The following ANKRD62 variants were observed in gnomAD, a reference collection of about 807,000 sequenced individuals.
The protein encoded by ANKRD62 is ankyrin repeat domain 62, also known as ankyrin repeat domain-containing protein 62.
In ANKRD62, 61 loss-of-function variants were observed where a neutral mutation model predicts 98.8. The ratio of observed to expected loss-of-function variants is 0.62; its 90% CI spans 0.50 to 0.76. The LOEUF is 0.76. Ranked by LOEUF, ANKRD62 falls within the 30% of genes least tolerant of loss-of-function variation. The pLI is 0.00. For synonymous variants in ANKRD62, 341 were observed against 367.9 expected, an observed-to-expected ratio of 0.93 and a Z score of 0.84; for missense variants, 933 against 1,082.9, an observed-to-expected ratio of 0.86 and a Z score of 1.94.
chr18:12,102,281 G>A, intron 6 of ANKRD62: 1 of 746,814 alleles, frequency 1.3e-6, no homozygotes, highest in South Asian at 1.4e-5. Flanking sequence ...TAGTCCAGTG[G>A]AGAGACGCAA....
intron 8 of ANKRD62, among the ~76,000 whole-genome samples, chr18:12,112,112 A>G (rs928655979): frequency 0.29 from 33,442 of 113,826 alleles, 4,569 homozygotes; most frequent in Middle Eastern, 0.38. Flanking sequence ...ACTCCAACTC[A>G]AAAAAAAAAA....
Position 12,128,602 on chromosome 18 carries a change from G to A in ANKRD62, c.*663G>A, listed in dbSNP as rs1909941878. 6.6e-6 allele frequency: 1 copy of A among 152,222 alleles called. No individual in the cohort carries two copies. The highest frequency in any genetic ancestry group is 1.5e-5 in the Non-Finnish European group (1 of 68,036). 9.4% of individuals were successfully genotyped at this position (152,222 alleles called of 1,614,324 possible). On this transcript the variant is annotated 3_prime_UTR_variant, in exon 14 of 14. Coordinates refer to ENST00000587848, the MANE Select transcript of ANKRD62 (RefSeq NM_001277333.2). ...TGGCTTCTCCTTTGGCATGTCAATG[G>A]ACATCCCTGCATTTTAAGATGACAC...
At chr18:12,102,018 T>C in intron 6 of ANKRD62, 1 of 1,357,594 alleles carries the variant, frequency 7.4e-7, no homozygotes, top group Admixed American at 1.7e-5. Flanking sequence ...TGGCAACAGC[T>C]TTGCAGATGC....
chr18:12,098,248 T>C (rs1909224705), intron 5 of ANKRD62, among the ~76,000 whole-genome samples: 1 of 152,176 alleles, frequency 6.6e-6, no homozygotes, highest in Non-Finnish European at 1.5e-5. Context: ...CTGTTTTCCA[T>C]AATAATAAAA....
At chr18:12,113,112 C>T (rs951097133) in intron 8 of ANKRD62, among the ~76,000 whole-genome samples, 1 of 151,708 alleles carries the variant, frequency 6.6e-6, no homozygotes, top group Non-Finnish European at 1.5e-5. Context: ...TCAGGCTGGT[C>T]TCGAACTCCT....
chr18:12,169,253 A>T, the ANKRD62 span, among the ~76,000 whole-genome samples: 1 of 152,166 alleles, frequency 6.6e-6, no homozygotes, highest in Non-Finnish European at 1.5e-5. Context: ...TTTCGGTATG[A>T]TATTGGCTGT....
intron 10 of ANKRD62, among the ~76,000 whole-genome samples, chr18:12,121,949 T>C (rs1434854737): frequency 6.6e-6 from 1 of 151,974 alleles, no homozygotes; most frequent in Non-Finnish European, 1.5e-5. Context: ...TGCTTCCTTC[T>C]CATTTTTTAT....
At chr18:12,120,845 A>G (rs1909768280) in intron 10 of ANKRD62, among the ~76,000 whole-genome samples, 1 of 152,294 alleles carries the variant, frequency 6.6e-6, no homozygotes, top group South Asian at 2.1e-4. Context: ...AACCTATCAC[A>G]GTCTACCTTC....
the ANKRD62 span, among the ~76,000 whole-genome samples, chr18:12,140,619 C>A: frequency 6.6e-6 from 1 of 152,216 alleles, no homozygotes; most frequent in African/African-American, 2.4e-5. Context: ...CCACTCCAGA[C>A]CCTGTTTGCC....
downstream of ANKRD62, among the ~76,000 whole-genome samples, chr18:12,134,299 G>A (rs1419993078): frequency 1.3e-5 from 2 of 152,046 alleles, no homozygotes; most frequent in Non-Finnish European, 2.9e-5. Flanking sequence ...TACAAAGATG[G>A]CACATATTTG....
At chr18:12,174,953 G>A in the ANKRD62 span, among the ~76,000 whole-genome samples, 1 of 152,262 alleles carries the variant, frequency 6.6e-6, no homozygotes, top group Non-Finnish European at 1.5e-5. Flanking sequence ...TGCAGTGACA[G>A]CAGGATTCTC....
the ANKRD62 span, among the ~76,000 whole-genome samples, chr18:12,171,099 A>C: frequency 6.6e-6 from 1 of 152,098 alleles, no homozygotes; most frequent in African/African-American, 2.4e-5. Flanking sequence ...GCAATTTGCC[A>C]GTCTGTGTCT....
At chr18:12,170,822 G>T in the ANKRD62 span, among the ~76,000 whole-genome samples, 2 of 152,082 alleles carry the variant, frequency 1.3e-5, no homozygotes, top group Admixed American at 6.6e-5. Context: ...TCTTGTATTG[G>T]GTGCACATAT....
the ANKRD62 span, among the ~76,000 whole-genome samples, chr18:12,140,655 A>G: frequency 3.3e-5 from 5 of 152,210 alleles, no homozygotes; most frequent in African/African-American, 1.2e-4. Flanking sequence ...GTGGCTGCAC[A>G]ACAGCAGATA....
the ANKRD62 span, among the ~76,000 whole-genome samples, chr18:12,164,402 G>A: frequency 6.6e-6 from 1 of 151,192 alleles, no homozygotes; most frequent in Non-Finnish European, 1.5e-5. Context: ...TTCTTTGTTA[G>A]TCTAGCTAAA....
intron 12 of ANKRD62, among the ~76,000 whole-genome samples, chr18:12,124,842 A>G (rs1909854913): frequency 6.6e-6 from 1 of 152,184 alleles, no homozygotes; most frequent in Non-Finnish European, 1.5e-5. Flanking sequence ...GCTTGCTTCT[A>G]TTTTTAACCT....
rs183988338 is a variant in ANKRD62 at position 12,100,730 on chromosome 18, T to C, written c.820+1048T>C. Among the ~76,000 whole-genome samples the C allele has an allele frequency of 4.4e-3, 672 of 152,274 alleles. 7 individuals carry two copies. Among genetic ancestry groups the C allele is most frequent in the African/African-American group, 0.015 (634 of 41,542 alleles). The stretch of plus-strand genomic sequence containing the variant: ...TCATACCAAGAATGTCTCACTAGTA[T>C]TGACTTAATTCCCCCCAAGTGGAAA... On this transcript the variant is annotated intron_variant, in intron 6 of 13. Coordinates refer to ENST00000587848, the MANE Select transcript of ANKRD62 (RefSeq NM_001277333.2).
intron 6 of ANKRD62, 149 bp downstream of exon 6, chr18:12,099,831 T>G (rs1342501849): frequency 9.7e-6 from 4 of 412,564 alleles, no homozygotes; most frequent in African/African-American, 8.2e-5. Flanking sequence ...TAATCTAGAT[T>G]TCAGAATTAT....
chr18:12,168,500 G>A, the ANKRD62 span, among the ~76,000 whole-genome samples: 1 of 152,126 alleles, frequency 6.6e-6, no homozygotes, highest in Non-Finnish European at 1.5e-5. Context: ...CTATATCTCT[G>A]TTTTGGTACC....
Sources: allele counts gnomAD v4.1 joint callset (sites outside exome capture counted in the v4.1 genomes callset), GRCh38; gene constraint gnomAD v4.1.1; transcripts MANE v1.5; gene names NCBI Gene and HGNC (gene_info 2026-07-23, HGNC 2026-07-21).